The following BAZ1A variants were observed in gnomAD, a reference collection of about 807,000 sequenced individuals.
The protein encoded by BAZ1A is bromodomain adjacent to zinc finger domain 1A, also known as bromodomain adjacent to zinc finger domain protein 1A.
In BAZ1A, 50 loss-of-function variants were observed where a neutral mutation model predicts 185.2. The observed-to-expected ratio is 0.27, with a 90% CI of 0.22 to 0.34. The LOEUF (loss-of-function observed/expected upper bound fraction) is 0.34. Among genes scored for constraint, BAZ1A ranks in the 10% least tolerant of loss-of-function variants. The pLI, the probability that BAZ1A is intolerant of heterozygous loss-of-function variation, is 1.00. For synonymous variants in BAZ1A, 571 were observed against 615.6 expected (o/e 0.93, Z 1.07); for missense variants, 1,356 against 1,839.9 (o/e 0.74, Z 4.81).
chr14:34,869,538 G>A (rs1002151704), intron 2 of BAZ1A, among the ~76,000 whole-genome samples: 1 of 152,182 alleles, frequency 6.6e-6, no homozygotes, highest in African/African-American at 2.4e-5. Flanking sequence ...TTGAATCATT[G>A]TTATAGGTAG....
intron 3 of BAZ1A, among the ~76,000 whole-genome samples, chr14:34,854,551 C>T (rs2042644966): frequency 2.0e-5 from 3 of 152,112 alleles, no homozygotes. Flanking sequence ...AGCCTCAAGT[C>T]AACGGCAGTA....
intron 4 of BAZ1A, 113 bp downstream of exon 4, chr14:34,825,900 T>C: frequency 9.3e-7 from 1 of 1,079,872 alleles, no homozygotes. Context: ...ATCGAGCCAC[T>C]GTACTCCAGC....
At chr14:34,841,954 AT>A (rs1566591323) in intron 3 of BAZ1A, among the ~76,000 whole-genome samples, 1 of 152,150 alleles carries the variant, frequency 6.6e-6, no homozygotes, top group Non-Finnish European at 1.5e-5. Context: ...ATTTTAAAAA[AT>A]TTTTTATGTT....
intron 2 of BAZ1A, among the ~76,000 whole-genome samples, chr14:34,867,312 T>C (rs1288366871): frequency 6.6e-6 from 1 of 152,206 alleles, no homozygotes; most frequent in Non-Finnish European, 1.5e-5. Context: ...TATGTCTATC[T>C]TAATTCGGAC....
Position 34,874,932 on chromosome 14 carries a change from G to C in BAZ1A, c.-59+206C>G, listed in dbSNP as rs1010497106. On this transcript the variant is annotated intron_variant, in intron 1 of 26. Coordinates refer to ENST00000360310, the MANE Select transcript of BAZ1A (RefSeq NM_013448.3). The surrounding 1 kb of genome is among the most constrained non-coding windows in gnomAD (Gnocchi z 4.7). ...CGCCCCGCCGCGGGGGGCAGTGCGG[G>C]AGCGGCGGCGGCCCCCTCCCCCAGC... is the stretch of plus-strand genomic sequence containing the variant. 38 of 153,744 alleles carry C rather than the reference G, an allele frequency of 2.5e-4. No individual in the cohort carries two copies. Among genetic ancestry groups the C allele is most frequent in the African/African-American group, 7.6e-4 (31 of 40,590 alleles). 9.5% of individuals were successfully genotyped at this position (153,744 alleles called of 1,614,324 possible). A position where few individuals can be genotyped will look rare whatever the true frequency, so the allele number is the denominator to read the frequency against.
At chr14:34,779,904 A>G (rs1406174269) in intron 17 of BAZ1A, among the ~76,000 whole-genome samples, 1 of 152,224 alleles carries the variant, frequency 6.6e-6, no homozygotes, top group Non-Finnish European at 1.5e-5. Context: ...CCAAAAGTTG[A>G]AATTATGAGA....
At position 34,776,213 on chromosome 14, in the gene BAZ1A, T is replaced by C; in HGVS notation, c.2539A>G (p.Asn847Asp). ...LLPRPSSFQN[N>D]VQSQDPQVST... ...ACCTGAGGATCTTGAGACTGTACATTATTCTGAAATGATGAAGGTCTAGGC... is the reference window on the plus strand; with the variant it reads ...ACCTGAGGATCTTGAGACTGTACATCATTCTGAAATGATGAAGGTCTAGGC... The change falls in exon 18 of 27, where the codon AAT becomes GAT. Residue 847 changes from asparagine (N) to aspartate (D), a missense_variant. Physicochemically the swap from Asn to Asp is conservative, Grantham distance 23 (BLOSUM62 1). Around this residue, in one of 7 missense-constraint regions of BAZ1A, gnomAD observed 434 missense variants for 561.7 expected, o/e 0.77. Coordinates refer to ENST00000360310, the MANE Select transcript of BAZ1A (RefSeq NM_013448.3). The C allele has an allele frequency of 6.2e-7, 1 of 1,614,184 alleles. No homozygotes were observed. The highest frequency in any genetic ancestry group is 8.5e-7 in the Non-Finnish European group (1 of 1,180,014).
chr14:34,758,309 T>C (rs547327378), intron 25 of BAZ1A, among the ~76,000 whole-genome samples: 39 of 143,478 alleles, frequency 2.7e-4, no homozygotes, highest in Non-Finnish European at 4.4e-4. Context: ...TGGCCAGGTG[T>C]GGTGGCTCAC....
At chr14:34,852,114 T>C (rs1293373432) in intron 3 of BAZ1A, among the ~76,000 whole-genome samples, 4 of 150,032 alleles carry the variant, frequency 2.7e-5, no homozygotes, top group Non-Finnish European at 1.5e-5. Flanking sequence ...GCGACAGAGC[T>C]AGACTCCGTC....
intron 7 of BAZ1A, among the ~76,000 whole-genome samples, chr14:34,802,494 A>T (rs1394588899): frequency 6.6e-6 from 1 of 152,164 alleles, no homozygotes; most frequent in Non-Finnish European, 1.5e-5. Flanking sequence ...GCCCGGCTGC[A>T]TTATTGCTTT....
At chr14:34,869,597 A>G (rs1343212181) in intron 2 of BAZ1A, among the ~76,000 whole-genome samples, 3 of 152,228 alleles carry the variant, frequency 2.0e-5, no homozygotes, top group Non-Finnish European at 2.9e-5. Context: ...GATGGTTTTC[A>G]TTGTGTTTTG....
intron 21 of BAZ1A, among the ~76,000 whole-genome samples, chr14:34,767,020 A>G (rs1033369641): frequency 6.6e-6 from 1 of 152,258 alleles, no homozygotes; most frequent in African/African-American, 2.4e-5. Flanking sequence ...AACAGAGGCA[A>G]AAACACAGTG....
chr14:34,828,862 A>G (rs920043934), intron 3 of BAZ1A: 3 of 152,240 alleles, frequency 2.0e-5, no homozygotes, highest in African/African-American at 7.2e-5. Context: ...TTCCAAGAAC[A>G]AAAACAATCC....
At chr14:34,834,282 T>A (rs1363715841) in intron 3 of BAZ1A, among the ~76,000 whole-genome samples, 1 of 152,162 alleles carries the variant, frequency 6.6e-6, no homozygotes, top group Non-Finnish European at 1.5e-5. Flanking sequence ...GAGATGATCT[T>A]TGCTGGCAGA....
chr14:34,844,205 C>CAAA (rs71121227), intron 3 of BAZ1A, among the ~76,000 whole-genome samples: 5 of 109,826 alleles, frequency 4.6e-5, no homozygotes, highest in Admixed American at 9.1e-5. Context: ...GACTCCGTCT[C>CAAA]AAAAAAAAAA....
chr14:34,859,599 C>A (rs1026810991), intron 3 of BAZ1A, among the ~76,000 whole-genome samples: 1 of 152,068 alleles, frequency 6.6e-6, no homozygotes, highest in African/African-American at 2.4e-5. Context: ...CATCTTGAGA[C>A]CCCTTTTCTA....
intron 12 of BAZ1A, among the ~76,000 whole-genome samples, chr14:34,788,183 A>G (rs546495715): frequency 6.2e-4 from 94 of 152,030 alleles, no homozygotes; most frequent in African/African-American, 2.2e-3. Flanking sequence ...ACGCCTGGCT[A>G]ATTTTTGTAT....
intron 3 of BAZ1A, among the ~76,000 whole-genome samples, chr14:34,841,044 G>GCAT (rs927993425): frequency 6.6e-6 from 1 of 152,032 alleles, no homozygotes; most frequent in Non-Finnish European, 1.5e-5. Flanking sequence ...CACCTCCCGA[G>GCAT]TTCAAGCAAT....
At chr14:34,812,208 A>G (rs181474904) in intron 4 of BAZ1A, among the ~76,000 whole-genome samples, 2 of 151,266 alleles carry the variant, frequency 1.3e-5, no homozygotes, top group Admixed American at 6.6e-5. Context: ...AAAGAGGTTG[A>G]TATTTAAGCA....
Sources: gnomAD v4.1 joint callset for allele counts (sites outside exome capture counted in the v4.1 genomes callset) on GRCh38, gnomAD v4.1.1 for gene constraint, gnomAD v4.1.1 regional missense constraint, Gnocchi (gnomAD v3.1) non-coding constraint, MANE v1.5 for transcripts, NCBI Gene and HGNC (gene_info 2026-07-23, HGNC 2026-07-21) for gene names.